PER2: variants seen among roughly 807,000 people sequenced by gnomAD.
The protein encoded by PER2 is period circadian regulator 2.
Under a neutral mutation model 121.0 loss-of-function variants are expected in PER2, and 66 were observed. The observed-to-expected ratio is 0.55, with a 90% CI of 0.45 to 0.67. PER2 has a LOEUF of 0.67. PER2 is among the 30% of genes least tolerant of loss of function. PER2 has a pLI of 0.00. For missense variants in PER2, 1,521 were observed against 1,635.0 expected, an observed-to-expected ratio of 0.93 and a Z score of 1.20; for synonymous variants, 684 against 659.9, an observed-to-expected ratio of 1.04 and a Z score of -0.56.
chr2:238,286,161 C>T (rs1696776058), intron 1 of PER2, among the ~76,000 whole-genome samples: 1 of 152,184 alleles, frequency 6.6e-6, no homozygotes, highest in Non-Finnish European at 1.5e-5. Context: ...GTGTCAGCCT[C>T]CTAGCTCCCC....
intron 1 of PER2, among the ~76,000 whole-genome samples, chr2:238,280,317 C>G (rs562553442): frequency 3.3e-4 from 50 of 152,312 alleles, no homozygotes; most frequent in Non-Finnish European, 2.9e-4. Context: ...GAGAATCCAC[C>G]CACATCAGTG....
At chr2:238,258,476 C>T (rs769355094) in intron 15 of PER2, 21 bp downstream of exon 15, 11 of 1,613,892 alleles carry the variant, frequency 6.8e-6, no homozygotes, top group East Asian at 4.5e-5. Context: ...GGTGGAGACT[C>T]GGCTGGAAAT....
chr2:238,252,854 C>T lies in PER2; in HGVS notation c.3111+58G>A. ...GTCTGAACTGAGGATGTGCGGCCGGCCTGCCAGGTGTGCTGTTTGCTGCCT... is the reference window on the plus strand; with the variant it reads ...GTCTGAACTGAGGATGTGCGGCCGGTCTGCCAGGTGTGCTGTTTGCTGCCT... On this transcript the variant is annotated intron_variant, in intron 19 of 22. Coordinates refer to ENST00000254657, the MANE Select transcript of PER2 (RefSeq NM_022817.3). The surrounding 1 kb of genome is among the most constrained non-coding windows in gnomAD (Gnocchi z 4.2). 2 of 1,457,986 alleles carry T rather than the reference C, an allele frequency of 1.4e-6. No individual in the cohort carries two copies. The highest frequency in any genetic ancestry group is 1.9e-6 in the Non-Finnish European group (2 of 1,042,812). 90.3% of individuals were successfully genotyped at this position (1,457,986 alleles called of 1,614,324 possible).
chr2:238,296,054 C>T, the PER2 span, among the ~76,000 whole-genome samples: 3 of 139,182 alleles, frequency 2.2e-5, no homozygotes, highest in Non-Finnish European at 3.1e-5. Flanking sequence ...AGTCGTGTGC[C>T]CTCCTGCTGC....
At position 238,244,460 on chromosome 2, in the gene PER2, A is replaced by G. The variant is rs1166657286; in HGVS notation, c.*1915T>C. ...TGATGGTAAACATTCATAACAGCAGAGTAAGATTTTGGCAGTTTTGTGTTT... is the reference window on the plus strand; with the variant it reads ...TGATGGTAAACATTCATAACAGCAGGGTAAGATTTTGGCAGTTTTGTGTTT... On this transcript the variant is annotated 3_prime_UTR_variant, in exon 23 of 23. Transcript: ENST00000254657. 6.6e-6 allele frequency: 1 copy of G among 152,454 alleles called. No homozygotes were observed. The highest frequency in any genetic ancestry group is 1.9e-4 in the East Asian group (1 of 5,196). 9.4% of individuals were successfully genotyped at this position (152,454 alleles called of 1,614,324 possible).
At chr2:238,259,266 G>T (rs531812347) in intron 14 of PER2, among the ~76,000 whole-genome samples, 6 of 152,346 alleles carry the variant, frequency 3.9e-5, no homozygotes, top group African/African-American at 1.4e-4. Context: ...GGGAGGCTTC[G>T]GCCTGAGCAC....
chr2:238,284,243 A>G (rs1696715773), intron 1 of PER2, among the ~76,000 whole-genome samples: 1 of 152,084 alleles, frequency 6.6e-6, no homozygotes, highest in Non-Finnish European at 1.5e-5. Context: ...AGGAGTTCGC[A>G]ACCAGCCAGA....
chr2:238,290,551 C>T (rs78285865), upstream of PER2, among the ~76,000 whole-genome samples: 1,785 of 152,132 alleles, frequency 0.012, 34 homozygotes, highest in African/African-American at 0.04. Context: ...TTTTTATTTC[C>T]ACCAATAAAT....
chr2:238,279,932 C>T (rs957124908), intron 1 of PER2, among the ~76,000 whole-genome samples: 15 of 152,190 alleles, frequency 9.9e-5, no homozygotes, highest in Non-Finnish European at 2.1e-4. Context: ...CTGCTACCCC[C>T]GGCCATGGAA....
chr2:238,295,903 G>C, the PER2 span: 2 of 220,442 alleles, frequency 9.1e-6, no homozygotes, highest in Middle Eastern at 1.8e-3. Context: ...ACCCACACCC[G>C]GGGAACTCTT....
chr2:238,277,774 C>T lies in PER2; in HGVS notation c.163G>A (p.Gly55Ser). The T allele has an allele frequency of 6.2e-7, 1 of 1,614,218 alleles. No homozygotes were observed. Among genetic ancestry groups the T allele is most frequent in the Non-Finnish European group, 8.5e-7 (1 of 1,180,038 alleles). Residue 55 changes from glycine to serine, a missense_variant, in exon 2 of 23, where the codon GGC becomes AGC. Coordinates refer to ENST00000254657, the MANE Select transcript of PER2 (RefSeq NM_022817.3). ...TTCCCACTGTCGTCACAGTCACTGCCCTGCGAGTCCCGCCCCGTGGAGCAG... is the reference window on the plus strand; with the variant it reads ...TTCCCACTGTCGTCACAGTCACTGCTCTGCGAGTCCCGCCCCGTGGAGCAG... ...ENCSTGRDSQ[G>S]SDCDDSGKEL...
Position 238,251,645 on chromosome 2 carries a change from A to G in PER2, c.3228T>C (p.Ser1076=). Residue 1076 remains serine (S), a synonymous_variant, in exon 20 of 23, where the codon TCT becomes TCC. Transcript: ENST00000254657. ...CSASGSAASE[S]LGSGSLGCDA... is the part of the protein sequence containing the mutation. ...CGCAGCCCAGTGAGCCGGAGCCCAG[A>G]GACTCCGAAGCAGCAGAGCCCGAGG... 1 of 1,614,186 alleles carries G rather than the reference A, an allele frequency of 6.2e-7. No individual in the cohort carries two copies. The highest frequency in any genetic ancestry group is 8.5e-7 in the Non-Finnish European group (1 of 1,180,004).
intron 18 of PER2, 146 bp downstream of exon 18, chr2:238,255,511 G>A (rs868669177): frequency 2.4e-6 from 2 of 835,066 alleles, no homozygotes; most frequent in Non-Finnish European, 4.1e-6. Flanking sequence ...AGAAACAGAT[G>A]GCGTTGCCAG....
chr2:238,297,265 C>A, the PER2 span, among the ~76,000 whole-genome samples: 1 of 152,146 alleles, frequency 6.6e-6, no homozygotes, highest in African/African-American at 2.4e-5. Context: ...GGAGGAAAGG[C>A]ATTGTATGGA....
At chr2:238,265,833 G>GT (rs1051937951) in intron 8 of PER2, among the ~76,000 whole-genome samples, 4 of 151,882 alleles carry the variant, frequency 2.6e-5, no homozygotes, top group African/African-American at 7.3e-5. Context: ...CGAAACTGCC[G>GT]TGTTAACAAA....
chr2:238,270,994 C>A (rs1299115862), intron 6 of PER2, among the ~76,000 whole-genome samples: 1 of 152,218 alleles, frequency 6.6e-6, no homozygotes, highest in East Asian at 1.9e-4. Flanking sequence ...TGCTCACGCT[C>A]CCCACTGCCC....
At position 238,264,617 on chromosome 2, in the gene PER2, C is replaced by A. The variant is rs538967688; in HGVS notation, c.1046+895G>T. Among the ~76,000 whole-genome samples the A allele has an allele frequency of 2.6e-5, 4 of 152,232 alleles. 1 individual carries two copies. The East Asian group carries it at 7.7e-4, about 29-fold the overall frequency. On this transcript the variant is annotated intron_variant, in intron 9 of 22. Coordinates refer to ENST00000254657, the MANE Select transcript of PER2 (RefSeq NM_022817.3). ...TTCGGTGACTACTGCCAGTGGCCCA[C>A]ACATTTTTTTTCTTTCTATTTTTTT...
chr2:238,257,109 A>C, intron 16 of PER2, 23 bp from the exon 17 acceptor site: 1 of 1,606,700 alleles, frequency 6.2e-7, no homozygotes, highest in Non-Finnish European at 8.5e-7. Flanking sequence ...AAGGGGGAAC[A>C]AACATTAGTG....
Position 238,258,280 on chromosome 2 carries a change from A to C in PER2, c.1896T>G (p.Ala632=). Residue 632 remains alanine (A), a synonymous_variant, in exon 16 of 23, where the codon GCT becomes GCG. Transcript: ENST00000254657. ...RKATVSPGPH[A]GEAEPPSRVN... ...GGCTCTACACAGATTAGATACCTCC[A>C]GCGTGTGGCCCTGGGCTGACTGTGG... The C allele has an allele frequency of 6.2e-7, 1 of 1,614,216 alleles. No homozygotes were observed. Among genetic ancestry groups the C allele is most frequent in the Non-Finnish European group, 8.5e-7 (1 of 1,180,036 alleles).
Sources: allele counts gnomAD v4.1 joint callset (sites outside exome capture counted in the v4.1 genomes callset), GRCh38; gene constraint gnomAD v4.1.1; non-coding constraint Gnocchi (gnomAD v3.1); transcripts MANE v1.5; gene names NCBI Gene and HGNC (gene_info 2026-07-23, HGNC 2026-07-21).